Variants in NPAS3 observed in about 807,000 individuals in gnomAD.
NPAS3 encodes neuronal PAS domain protein 3, also known as neuronal PAS domain-containing protein 3.
NPAS3 carries 14 observed loss-of-function variants against 73.1 expected under a neutral mutation model. That is an observed-to-expected ratio of 0.19 (90% confidence interval 0.13 to 0.30). The LOEUF (loss-of-function observed/expected upper bound fraction) is 0.30. NPAS3 is among the 10% of genes least tolerant of loss of function. NPAS3 has a pLI of 1.00. For synonymous variants in NPAS3, 620 were observed against 541.5 expected (o/e 1.14, Z -2.01); for missense variants, 1,096 against 1,250.0 (o/e 0.88, Z 1.86).
At chr14:33,177,991 A>G (rs762053433) in intron 2 of NPAS3, among the ~76,000 whole-genome samples, 79 of 151,548 alleles carry the variant, frequency 5.2e-4, no homozygotes, top group Non-Finnish European at 1.1e-3. Context: ...AGCCCCTTAC[A>G]CTTCCATATG....
intron 3 of NPAS3, among the ~76,000 whole-genome samples, chr14:33,263,432 A>G (rs2049048561): frequency 6.6e-6 from 1 of 152,038 alleles, no homozygotes; most frequent in African/African-American, 2.4e-5. Flanking sequence ...ATAGTTGTAG[A>G]TGTGTGGCAT....
In NPAS3 at chr14:33,301,322, ATTTT is replaced by A. The variant is rs56242001; in HGVS notation, c.386-65855_386-65852del. On this transcript the variant is annotated intron_variant, in intron 3 of 11. Transcript: ENST00000356141. Reference sequence around the variant, plus strand: ...GTTTTATCATTATATATATATATATATTTTTTTTTTTTAAATCTAGCTGTAATGG... The same window carrying A: ...GTTTTATCATTATATATATATATATATTTTTTTTAAATCTAGCTGTAATGG... Among the ~76,000 whole-genome samples, 115 of 99,692 alleles carry A rather than the reference ATTTT, an allele frequency of 1.2e-3. 21 individuals carry two copies. The highest frequency in any genetic ancestry group is 4.3e-3 in the African/African-American group (100 of 23,298). The allele number at this position is 99,692 out of a possible 152,430, so 65.4% of individuals were successfully genotyped here.
At chr14:33,496,672 A>G (rs1244818037) in intron 4 of NPAS3, among the ~76,000 whole-genome samples, 2 of 152,168 alleles carry the variant, frequency 1.3e-5, no homozygotes, top group East Asian at 1.9e-4. Context: ...AAAACTCTCA[A>G]TAAACTAGGT....
intron 3 of NPAS3, among the ~76,000 whole-genome samples, chr14:33,356,227 CAAAT>C (rs1478725004): frequency 6.6e-6 from 1 of 152,186 alleles, no homozygotes; most frequent in Non-Finnish European, 1.5e-5. Flanking sequence ...AGCTGGAAAA[CAAAT>C]AAAAATGACT....
chr14:33,547,340 AT>A (rs2054894992), intron 4 of NPAS3, among the ~76,000 whole-genome samples: 1 of 152,124 alleles, frequency 6.6e-6, no homozygotes, highest in Non-Finnish European at 1.5e-5. Flanking sequence ...AGCAAATCTC[AT>A]TGGAGGCAAA....
At chr14:32,985,116 A>G (rs561876998) in intron 1 of NPAS3, among the ~76,000 whole-genome samples, 2 of 144,726 alleles carry the variant, frequency 1.4e-5, no homozygotes, top group Admixed American at 6.8e-5. Flanking sequence ...GCCATATGAT[A>G]TGGACATCAG....
chr14:33,659,186 G>T (rs1395522287), intron 5 of NPAS3, among the ~76,000 whole-genome samples: 1 of 152,068 alleles, frequency 6.6e-6, no homozygotes, highest in African/African-American at 2.4e-5. Context: ...CTTAATATAC[G>T]CCAGGTTTCC....
At chr14:33,737,413 A>G (rs1421200706) in intron 7 of NPAS3, among the ~76,000 whole-genome samples, 1 of 152,144 alleles carries the variant, frequency 6.6e-6, no homozygotes, top group East Asian at 1.9e-4. Context: ...AACATCCAGG[A>G]TTGGAAAAGA....
In NPAS3 at chr14:33,654,671, A is replaced by G. The variant is rs536395097; in HGVS notation, c.559-21540A>G. ...TCTGCCTTCAAAGCATGTATAGACC[A>G]CACCATGCTGCTGACTAGCCAACTG... is the stretch of plus-strand genomic sequence containing the variant. On this transcript the variant is annotated intron_variant, in intron 5 of 11. Transcript: ENST00000356141. Among the ~76,000 whole-genome samples the G allele has an allele frequency of 1.7e-3, 252 of 152,312 alleles. 1 individual carries two copies. Among genetic ancestry groups the G allele is most frequent in the African/African-American group, 5.8e-3 (239 of 41,558 alleles).
chr14:33,565,248 A>G (rs1487073484), intron 5 of NPAS3, among the ~76,000 whole-genome samples: 3 of 152,196 alleles, frequency 2.0e-5, no homozygotes, highest in Non-Finnish European at 4.4e-5. Flanking sequence ...TCATCTCCAT[A>G]TTTTAGATTT....
At chr14:33,705,408 C>A (rs1343862795) in intron 6 of NPAS3, among the ~76,000 whole-genome samples, 1 of 152,178 alleles carries the variant, frequency 6.6e-6, no homozygotes, top group African/African-American at 2.4e-5. Context: ...ATGTTGCTAA[C>A]CCTGGCTTTG....
intron 2 of NPAS3, among the ~76,000 whole-genome samples, chr14:33,182,016 A>G (rs1303049203): frequency 6.6e-6 from 1 of 152,134 alleles, no homozygotes; most frequent in Non-Finnish European, 1.5e-5. Flanking sequence ...TTCTCCAAGT[A>G]TTATAGTATA....
At chr14:33,768,629 A>C (rs768471564) in intron 7 of NPAS3, among the ~76,000 whole-genome samples, 3 of 152,168 alleles carry the variant, frequency 2.0e-5, no homozygotes, top group Non-Finnish European at 4.4e-5. Flanking sequence ...CCTAGAGATG[A>C]GTGAGAATTG....
At chr14:33,787,483 G>C (rs918680348) in intron 9 of NPAS3, among the ~76,000 whole-genome samples, 1 of 151,650 alleles carries the variant, frequency 6.6e-6, no homozygotes, top group East Asian at 1.9e-4. Context: ...AAAATCCATC[G>C]ATGATGCATA....
At chr14:33,136,058 CTTTTTTTTTTTTTT>C (rs34308954) in intron 2 of NPAS3, among the ~76,000 whole-genome samples, 3 of 115,412 alleles carry the variant, frequency 2.6e-5, no homozygotes, top group Admixed American at 9.0e-5. Flanking sequence ...TACCTTTTTT[CTTTTTTTTTTTTTT>C]TTTTTTGAGA....
chr14:33,706,766 G>A (rs1402740721), intron 6 of NPAS3, among the ~76,000 whole-genome samples: 1 of 152,128 alleles, frequency 6.6e-6, no homozygotes, highest in African/African-American at 2.4e-5. Context: ...AGGGCTCAGA[G>A]ACGTCAATAA....
intron 4 of NPAS3, among the ~76,000 whole-genome samples, chr14:33,471,876 A>G (rs991162211): frequency 2.0e-5 from 3 of 152,134 alleles, no homozygotes; most frequent in Non-Finnish European, 2.9e-5. Flanking sequence ...GCTCCCTATC[A>G]CTCGCATTAC....
intron 3 of NPAS3, among the ~76,000 whole-genome samples, chr14:33,357,015 T>G (rs1273473564): frequency 3.9e-5 from 6 of 152,194 alleles, no homozygotes; most frequent in Non-Finnish European, 5.9e-5. Context: ...GTGCTCCTCT[T>G]TCTTGTTTAT....
intron 1 of NPAS3, among the ~76,000 whole-genome samples, chr14:32,977,296 T>G (rs2037720225): frequency 6.8e-6 from 1 of 146,236 alleles, no homozygotes; most frequent in Non-Finnish European, 1.5e-5. Flanking sequence ...TAGGTTCTTC[T>G]AGTCAGTATT....
Sources: gnomAD v4.1 joint callset for allele counts (sites outside exome capture counted in the v4.1 genomes callset) on GRCh38, gnomAD v4.1.1 for gene constraint, MANE v1.5 for transcripts, NCBI Gene and HGNC (gene_info 2026-07-23, HGNC 2026-07-21) for gene names.